YWHAQ: variants seen among roughly 807,000 people sequenced by gnomAD.
The protein encoded by YWHAQ is 14-3-3 protein theta.
YWHAQ carries 6 observed loss-of-function variants against 28.3 expected under a neutral mutation model. The ratio of observed to expected loss-of-function variants is 0.21; its 90% CI spans 0.12 to 0.42. The LOEUF (loss-of-function observed/expected upper bound fraction) is 0.42, where lower values mean the gene tolerates loss of function less well. YWHAQ is among the 10% of genes least tolerant of loss of function. YWHAQ has a pLI of 1.00. For missense variants in YWHAQ, 201 were observed against 305.6 expected, an observed-to-expected ratio of 0.66 and a Z score of 2.55; for synonymous variants, 143 against 119.1, an observed-to-expected ratio of 1.20 and a Z score of -1.31.
intron 2 of YWHAQ, among the ~76,000 whole-genome samples, chr2:9,605,142 T>C (rs1418988031): frequency 2.5e-4 from 36 of 144,018 alleles, no homozygotes; most frequent in Admixed American, 2.2e-3. Flanking sequence ...TGTTCTCTCT[T>C]TTTTTTTTTT....
At chr2:9,586,493 A>G (rs1405439844) in intron 5 of YWHAQ, among the ~76,000 whole-genome samples, 1 of 152,216 alleles carries the variant, frequency 6.6e-6, no homozygotes, top group Non-Finnish European at 1.5e-5. Flanking sequence ...CGATTAAAAG[A>G]TAGTTAGCTC....
chr2:9,601,948 G>T (rs1404865958), intron 2 of YWHAQ, among the ~76,000 whole-genome samples: 1 of 151,972 alleles, frequency 6.6e-6, no homozygotes, highest in East Asian at 1.9e-4. Flanking sequence ...ATGCCTGGCT[G>T]GTTCTTAAGA....
In YWHAQ at chr2:9,590,169, A is replaced by C. The variant is rs538875259; in HGVS notation, c.418+1223T>G. ...ACCTGAAAGTGCCAATGAGCTCCTA[A>C]GGGTTAAATCAGGTTAAAGCTACAG... On this transcript the variant is annotated intron_variant, in intron 3 of 5. Coordinates refer to ENST00000238081, the MANE Select transcript of YWHAQ (RefSeq NM_006826.4). Among the ~76,000 whole-genome samples, 13 of 152,352 alleles carry C rather than the reference A, an allele frequency of 8.5e-5. No homozygotes were observed. The South Asian group carries it at 1.0e-3, about 12-fold the overall frequency.
intron 3 of YWHAQ, among the ~76,000 whole-genome samples, chr2:9,590,587 G>C (rs1666435623): frequency 6.6e-6 from 1 of 152,014 alleles, no homozygotes; most frequent in African/African-American, 2.4e-5. Context: ...AATTTAATGA[G>C]ATCTATCTTA....
intron 2 of YWHAQ, among the ~76,000 whole-genome samples, chr2:9,595,800 C>T (rs1666558460): frequency 6.6e-6 from 1 of 151,958 alleles, no homozygotes; most frequent in Admixed American, 6.6e-5. Flanking sequence ...CAGGAGCTCC[C>T]CCTTGTAAAC....
chr2:9,620,429 C>T (rs1056983668), intron 2 of YWHAQ, among the ~76,000 whole-genome samples: 1 of 152,170 alleles, frequency 6.6e-6, no homozygotes, highest in Non-Finnish European at 1.5e-5. Context: ...AATACTTTGA[C>T]CAATGCTGGT....
chr2:9,624,565 C>T (rs1667210818), intron 2 of YWHAQ, among the ~76,000 whole-genome samples: 1 of 152,016 alleles, frequency 6.6e-6, no homozygotes, highest in Non-Finnish European at 1.5e-5. Flanking sequence ...CTGTGCACCG[C>T]ATGATGTTTA....
intron 2 of YWHAQ, among the ~76,000 whole-genome samples, chr2:9,616,948 T>C (rs961405202): frequency 9.2e-5 from 14 of 152,180 alleles, no homozygotes; most frequent in Non-Finnish European, 2.1e-4. Flanking sequence ...TTTTAAAAAG[T>C]AGTACTTTGT....
intron 2 of YWHAQ, among the ~76,000 whole-genome samples, chr2:9,606,130 T>C (rs1666823222): frequency 6.6e-6 from 1 of 152,236 alleles, no homozygotes; most frequent in African/African-American, 2.4e-5. Context: ...TTTCCAACTA[T>C]GCACCAAATG....
chr2:9,616,606 TAAAA>T (rs1164468333), intron 2 of YWHAQ, among the ~76,000 whole-genome samples: 1 of 151,098 alleles, frequency 6.6e-6, no homozygotes, highest in African/African-American at 2.4e-5. Flanking sequence ...AACCCAATGA[TAAAA>T]ACACAAATAA....
intron 2 of YWHAQ, among the ~76,000 whole-genome samples, chr2:9,599,297 T>G (rs1666640839): frequency 6.6e-6 from 1 of 152,142 alleles, no homozygotes. Context: ...AAGGTACAAG[T>G]GCGAATGTAG....
chr2:9,593,216 T>C (rs1666492222), intron 2 of YWHAQ, among the ~76,000 whole-genome samples: 1 of 149,740 alleles, frequency 6.7e-6, no homozygotes. Context: ...TCTAACAAAA[T>C]GCAATCACTG....
chr2:9,589,403 G>C (rs939782963), intron 3 of YWHAQ, among the ~76,000 whole-genome samples: 1 of 152,032 alleles, frequency 6.6e-6, no homozygotes, highest in Non-Finnish European at 1.5e-5. Flanking sequence ...TACCAACATG[G>C]AGAAACCCCG....
At chr2:9,628,392 C>A (rs1667289006) in intron 2 of YWHAQ, among the ~76,000 whole-genome samples, 1 of 152,170 alleles carries the variant, frequency 6.6e-6, no homozygotes, top group Admixed American at 6.5e-5. Context: ...ATCAACTAAG[C>A]AAAACTCTTC....
chr2:9,586,070 G>GA (rs1363809370), intron 5 of YWHAQ, among the ~76,000 whole-genome samples: 3 of 152,154 alleles, frequency 2.0e-5, no homozygotes, highest in Non-Finnish European at 4.4e-5. Flanking sequence ...TCACAGGGAG[G>GA]AAAAAGCCAC....
At chr2:9,603,545 G>A (rs1427879380) in intron 2 of YWHAQ, among the ~76,000 whole-genome samples, 1 of 151,584 alleles carries the variant, frequency 6.6e-6, no homozygotes, top group Non-Finnish European at 1.5e-5. Context: ...AAAGTGCTGT[G>A]ATTACGGGCA....
chr2:9,594,600 C>G (rs941395122), intron 2 of YWHAQ, among the ~76,000 whole-genome samples: 3 of 152,122 alleles, frequency 2.0e-5, no homozygotes, highest in Non-Finnish European at 4.4e-5. Context: ...AAGTAAGATG[C>G]CTCTCACTTT....
intron 2 of YWHAQ, among the ~76,000 whole-genome samples, chr2:9,629,195 G>A (rs572585171): frequency 2.1e-4 from 32 of 152,128 alleles, no homozygotes; most frequent in South Asian, 1.7e-3. Flanking sequence ...AAATAAGTAG[G>A]CCTCTTGTAA....
intron 2 of YWHAQ, among the ~76,000 whole-genome samples, chr2:9,607,440 C>G (rs1371772978): frequency 6.6e-6 from 1 of 151,642 alleles, no homozygotes; most frequent in African/African-American, 2.4e-5. Context: ...AACTCCTGAC[C>G]TCGTGATCCA....
Sources: gnomAD v4.1 joint callset for allele counts (sites outside exome capture counted in the v4.1 genomes callset) on GRCh38, gnomAD v4.1.1 for gene constraint, MANE v1.5 for transcripts, NCBI Gene and HGNC (gene_info 2026-07-23, HGNC 2026-07-21) for gene names.